GABRB2: variants seen among roughly 807,000 people sequenced by gnomAD.
The protein encoded by GABRB2 is gamma-aminobutyric acid type A receptor subunit beta2.
A neutral mutation model predicts 54.7 loss-of-function variants in GABRB2; 16 were observed. The ratio of observed to expected loss-of-function variants is 0.29; its 90% CI spans 0.20 to 0.44. The LOEUF (loss-of-function observed/expected upper bound fraction) is 0.44. Among genes scored for constraint, GABRB2 ranks in the 20% least tolerant of loss-of-function variants. The pLI is 1.00. For synonymous variants in GABRB2, 244 were observed against 233.8 expected (o/e 1.04, Z -0.40); for missense variants, 355 against 644.0 (o/e 0.55, Z 4.86).
At chr5:161,365,393 C>T (rs751880041) in intron 5 of GABRB2, among the ~76,000 whole-genome samples, 12 of 152,048 alleles carry the variant, frequency 7.9e-5, no homozygotes, top group Admixed American at 1.3e-4. Context: ...TTAATTACAC[C>T]GTGCCTCTTT....
chr5:161,330,479 A>G (rs1462362080), intron 8 of GABRB2: 1 of 157,588 alleles, frequency 6.3e-6, no homozygotes, highest in Non-Finnish European at 1.4e-5. Context: ...GAACTTAATG[A>G]TATAGTTTTT....
At chr5:161,338,142 C>G (rs1418796056) in intron 5 of GABRB2, among the ~76,000 whole-genome samples, 1 of 151,970 alleles carries the variant, frequency 6.6e-6, no homozygotes, top group East Asian at 1.9e-4. Flanking sequence ...AAGTAGGATA[C>G]CTTCAATTGG....
At chr5:161,468,194 C>T (rs1370565600) in intron 3 of GABRB2, among the ~76,000 whole-genome samples, 1 of 152,042 alleles carries the variant, frequency 6.6e-6, no homozygotes, top group Admixed American at 6.6e-5. Flanking sequence ...CAAATCATGT[C>T]TTTTCCTTGC....
At position 161,294,263 on chromosome 5, in the gene GABRB2, G is replaced by A. The variant is rs1461566727; in HGVS notation, c.1357C>T (p.Arg453Ter). 2.5e-6 allele frequency: 4 copies of A among 1,614,044 alleles called. No individual in the cohort carries two copies. Among genetic ancestry groups the A allele is most frequent in the East Asian group, 2.2e-5 (1 of 44,866 alleles). ...GCCACATGTCGTTCCAGAGCATTTCGGCCAAAACTATGCCTGGGCAACCCA... is the reference window on the plus strand; with the variant it reads ...GCCACATGTCGTTCCAGAGCATTTCAGCCAAAACTATGCCTGGGCAACCCA... ...KAGLPRHSFG[R>*]NALERHVAQK... The change falls in exon 10 of 10, where the codon CGA (arginine) becomes TGA (stop). Residue 453 changes from arginine (R) to a stop codon, truncating the protein, a stop_gained. Transcript: ENST00000393959. LOFTEE classifies it high-confidence loss of function.
At chr5:161,399,555 C>T (rs1048630012) in intron 5 of GABRB2, among the ~76,000 whole-genome samples, 2 of 152,128 alleles carry the variant, frequency 1.3e-5, no homozygotes, top group African/African-American at 4.8e-5. Flanking sequence ...ACCAGCAGGA[C>T]TAGTGGCTGC....
Position 161,294,368 on chromosome 5 carries a change from A to G in GABRB2, c.1252T>C (p.Ser418Pro), listed in dbSNP as rs756144528. 6.8e-6 allele frequency: 11 copies of G among 1,614,094 alleles called. No individual in the cohort carries two copies. The South Asian group carries it at 1.2e-4, about 18-fold the overall frequency. Residue 418 changes from serine (S) to proline (P), a missense_variant, in exon 10 of 10, where the codon TCT (serine) becomes CCT (proline). Physicochemically the swap from Ser to Pro is moderately conservative, Grantham distance 74. This residue lies in a region of GABRB2 where 201 missense variants were observed against 228.1 expected (regional missense o/e 0.88). Coordinates refer to ENST00000393959, the MANE Select transcript of GABRB2 (RefSeq NM_001371727.1). ...TLEIKNEMAT[S>P]EAVMGLGDPR... ...TCTCCAAGTCCCATCACAGCCTCAG[A>G]TGTGGCCATTTCATTTTTTATCTCG... is the stretch of plus-strand genomic sequence containing the variant.
chr5:161,302,656 G>T (rs2113348405), intron 9 of GABRB2, among the ~76,000 whole-genome samples: 1 of 152,314 alleles, frequency 6.6e-6, no homozygotes, highest in Non-Finnish European at 1.5e-5. Flanking sequence ...TGTGGGTAGA[G>T]GAGATGGTGT....
chr5:161,529,892 G>T (rs1052474663), intron 3 of GABRB2, among the ~76,000 whole-genome samples: 7 of 151,994 alleles, frequency 4.6e-5, no homozygotes, highest in African/African-American at 1.4e-4. Flanking sequence ...TTCTTACATG[G>T]TAAGTCTTTA....
chr5:161,530,548 T>TA, intron 3 of GABRB2, among the ~76,000 whole-genome samples: 1 of 152,228 alleles, frequency 6.6e-6, no homozygotes, highest in African/African-American at 2.4e-5. Flanking sequence ...TCTGTAGTGT[T>TA]ACAAAGCAAT....
chr5:161,373,192 C>T (rs1000386151), intron 5 of GABRB2, among the ~76,000 whole-genome samples: 3 of 152,074 alleles, frequency 2.0e-5, no homozygotes, highest in African/African-American at 7.2e-5. Flanking sequence ...AACCAAAAGA[C>T]CCAAGCAAAA....
intron 5 of GABRB2, among the ~76,000 whole-genome samples, chr5:161,390,727 G>A (rs962681059): frequency 4.6e-5 from 7 of 152,064 alleles, no homozygotes; most frequent in Admixed American, 1.3e-4. Context: ...AAATCTGAGA[G>A]CTAACACTTC....
At chr5:161,448,466 C>T (rs1310342290) in intron 4 of GABRB2, among the ~76,000 whole-genome samples, 2 of 152,118 alleles carry the variant, frequency 1.3e-5, no homozygotes, top group African/African-American at 4.8e-5. Context: ...CAGGATAATT[C>T]TCTGGTGGCC....
At chr5:161,499,863 T>C (rs1369156670) in intron 3 of GABRB2, among the ~76,000 whole-genome samples, 2 of 152,134 alleles carry the variant, frequency 1.3e-5, no homozygotes, top group Non-Finnish European at 1.5e-5. Flanking sequence ...TAATAATTTT[T>C]TTTTAGAGAA....
At chr5:161,389,308 G>A (rs765439807) in intron 5 of GABRB2, among the ~76,000 whole-genome samples, 50 of 151,872 alleles carry the variant, frequency 3.3e-4, no homozygotes, top group Non-Finnish European at 5.6e-4. Flanking sequence ...TGTTTACCCC[G>A]TGGAAACTAG....
intron 5 of GABRB2, among the ~76,000 whole-genome samples, chr5:161,346,968 A>G (rs1394013976): frequency 1.3e-5 from 2 of 152,122 alleles, no homozygotes; most frequent in Admixed American, 6.6e-5. Flanking sequence ...TGTTAGAAGA[A>G]AGGGCTCATG....
At position 161,293,777 on chromosome 5, in the gene GABRB2, C is replaced by A; in HGVS notation, c.*304G>T. The A allele has an allele frequency of 3.3e-6, 1 of 300,942 alleles. No homozygotes were observed. Among genetic ancestry groups the A allele is most frequent in the Non-Finnish European group, 6.2e-6 (1 of 161,466 alleles). The allele number at this position is 300,942 out of a possible 1,614,324, so 18.6% of individuals were successfully genotyped here. On this transcript the variant is annotated 3_prime_UTR_variant, in exon 10 of 10. Coordinates refer to ENST00000393959, the MANE Select transcript of GABRB2 (RefSeq NM_001371727.1). ...ATGCTGTTGAGCCTTCTAAGAATATCTTCCAAATTATTCCCCTCTGAGTAG... is the reference window on the plus strand; with the variant it reads ...ATGCTGTTGAGCCTTCTAAGAATATATTCCAAATTATTCCCCTCTGAGTAG...
chr5:161,404,955 G>A (rs547071933), intron 5 of GABRB2, among the ~76,000 whole-genome samples: 2 of 152,062 alleles, frequency 1.3e-5, no homozygotes, highest in Non-Finnish European at 2.9e-5. Flanking sequence ...CCCAGCAAAT[G>A]GTTTTACAGA....
At chr5:161,516,411 G>C (rs777804461) in intron 3 of GABRB2, among the ~76,000 whole-genome samples, 2 of 152,144 alleles carry the variant, frequency 1.3e-5, no homozygotes, top group Non-Finnish European at 2.9e-5. Flanking sequence ...CACTCAGGAT[G>C]GGTGAATGAG....
intron 3 of GABRB2, among the ~76,000 whole-genome samples, chr5:161,484,488 G>A (rs1017872652): frequency 6.6e-5 from 10 of 151,874 alleles, no homozygotes; most frequent in Non-Finnish European, 1.2e-4. Flanking sequence ...AGAGCAGACC[G>A]GCTGGGGAGA....
Sources: allele counts gnomAD v4.1 joint callset (sites outside exome capture counted in the v4.1 genomes callset), GRCh38; gene constraint gnomAD v4.1.1; regional missense constraint gnomAD v4.1.1; transcripts MANE v1.5; gene names NCBI Gene and HGNC (gene_info 2026-07-23, HGNC 2026-07-21).